Variants in GRM7 observed in about 807,000 individuals in gnomAD.
GRM7 encodes the protein glutamate metabotropic receptor 7.
Under a neutral mutation model 84.5 loss-of-function variants are expected in GRM7, and 35 were observed. The ratio of observed to expected loss-of-function variants is 0.41; its 90% confidence interval spans 0.32 to 0.55. The LOEUF is 0.55. Among genes scored for constraint, GRM7 ranks in the 20% least tolerant of loss-of-function variants. The pLI is 0.19. For synonymous variants in GRM7, 487 were observed against 455.1 expected (o/e 1.07, Z -0.89); for missense variants, 1,003 against 1,194.6 (o/e 0.84, Z 2.36).
chr3:7,161,307 T>G (rs921294333), intron 2 of GRM7, among the ~76,000 whole-genome samples: 1 of 151,996 alleles, frequency 6.6e-6, no homozygotes, highest in Non-Finnish European at 1.5e-5. Context: ...GCCATTTCCT[T>G]AGATATTGGG....
intron 2 of GRM7, among the ~76,000 whole-genome samples, chr3:7,233,324 T>C (rs1466270606): frequency 1.3e-5 from 2 of 152,162 alleles, no homozygotes; most frequent in Non-Finnish European, 2.9e-5. Context: ...TTTCTCTAAA[T>C]GGGCATTTTG....
chr3:6,995,546 A>G (rs1431592369), intron 1 of GRM7, among the ~76,000 whole-genome samples: 1 of 152,206 alleles, frequency 6.6e-6, no homozygotes, highest in Non-Finnish European at 1.5e-5. Context: ...AATGGATGCA[A>G]TGGCAATTTT....
intron 2 of GRM7, among the ~76,000 whole-genome samples, chr3:7,214,443 G>A (rs1696535748): frequency 6.6e-6 from 1 of 152,140 alleles, no homozygotes; most frequent in Non-Finnish European, 1.5e-5. Context: ...TCATCCTATT[G>A]GTTTTCTTCA....
intron 4 of GRM7, among the ~76,000 whole-genome samples, chr3:7,362,178 A>T (rs1351469581): frequency 6.6e-6 from 1 of 152,076 alleles, no homozygotes; most frequent in Non-Finnish European, 1.5e-5. Context: ...TTTTTTAGTC[A>T]TTTGTAACAG....
At chr3:7,617,372 T>C (rs1697141057) in intron 8 of GRM7, among the ~76,000 whole-genome samples, 1 of 152,130 alleles carries the variant, frequency 6.6e-6, no homozygotes, top group Non-Finnish European at 1.5e-5. Context: ...AGATATCCAT[T>C]ATGGAAGAGA....
chr3:7,708,516 G>A lies in GRM7; in HGVS notation c.2698+28221G>A, dbSNP rs930035413. Reference sequence around the variant, plus strand: ...CTTGAAGTGATCGGGGGTTGCCAGAGAGGAAGGTCATGGTCTGTTGGACAA... The same window carrying A: ...CTTGAAGTGATCGGGGGTTGCCAGAAAGGAAGGTCATGGTCTGTTGGACAA... On this transcript the variant is annotated intron_variant, in intron 9 of 9. Transcript: ENST00000357716. Among the ~76,000 whole-genome samples the A allele has an allele frequency of 3.3e-5, 5 of 152,170 alleles. No individual in the cohort carries two copies. The East Asian group carries it at 9.6e-4, about 29-fold the overall frequency.
At chr3:6,867,477 G>A (rs1254284982) in intron 1 of GRM7, among the ~76,000 whole-genome samples, 1 of 152,014 alleles carries the variant, frequency 6.6e-6, no homozygotes, top group Non-Finnish European at 1.5e-5. Flanking sequence ...TGAAAGCTTT[G>A]GAACCACACT....
At chr3:7,302,550 G>A (rs1214676198) in intron 3 of GRM7, among the ~76,000 whole-genome samples, 1 of 152,018 alleles carries the variant, frequency 6.6e-6, no homozygotes, top group Non-Finnish European at 1.5e-5. Context: ...AATAAAAATT[G>A]TATGTCGTTT....
chr3:6,944,100 T>A (rs1697978718), intron 1 of GRM7, among the ~76,000 whole-genome samples: 1 of 152,084 alleles, frequency 6.6e-6, no homozygotes, highest in African/African-American at 2.4e-5. Context: ...TGATTTTCTA[T>A]ATATGTGACC....
chr3:7,191,588 G>A (rs923502527), intron 2 of GRM7, among the ~76,000 whole-genome samples: 3 of 151,494 alleles, frequency 2.0e-5, no homozygotes, highest in African/African-American at 7.3e-5. Context: ...ATTGGTAAAA[G>A]CTACAACTTG....
intron 5 of GRM7, among the ~76,000 whole-genome samples, chr3:7,431,354 A>G (rs2124849182): frequency 6.6e-6 from 1 of 152,310 alleles, no homozygotes; most frequent in East Asian, 1.9e-4. Flanking sequence ...AAAGTCTTGA[A>G]TAGACAAAAC....
rs561364942 is a variant in GRM7 at position 7,342,305 on chromosome 3, C to T, written c.1033+35653C>T. Among the ~76,000 whole-genome samples the T allele has an allele frequency of 3.3e-5, 5 of 152,238 alleles. No homozygotes were observed. In the South Asian group the frequency reaches 1.0e-3, roughly 32 times the overall value. On this transcript the variant is annotated intron_variant, in intron 4 of 9. Coordinates refer to ENST00000357716, the MANE Select transcript of GRM7 (RefSeq NM_000844.4). The stretch of plus-strand genomic sequence containing the variant: ...CCTCATCTCAATCCAGACATCAAAA[C>T]TTGTCAAGAAACATCAAAAGTTCTA...
intron 1 of GRM7, among the ~76,000 whole-genome samples, chr3:6,989,301 C>T: frequency 6.6e-6 from 1 of 152,110 alleles, no homozygotes; most frequent in East Asian, 1.9e-4. Flanking sequence ...TAGGAAAACA[C>T]AGATCAACAA....
rs1700201824 is a variant in GRM7, at chr3:7,306,587, T to G, written c.968T>G (p.Leu323Arg). 6.2e-7 allele frequency: 1 copy of G among 1,613,794 alleles called. No individual in the cohort carries two copies. Reference protein sequence around the residue: ...SDSWGSKINPLHQHEDIAEGA... With the variant: ...SDSWGSKINPRHQHEDIAEGA... ...AGCTGGGGATCCAAAATAAACCCAC[T>G]GCACCAGCATGAAGATATCGCAGAA... Residue 323 changes from leucine (L) to arginine (R), a missense_variant, in exon 4 of 10, where the codon CTG becomes CGG. By Grantham distance (102) the Leu-to-Arg change is moderately radical (BLOSUM62 -2). Coordinates refer to ENST00000357716, the MANE Select transcript of GRM7 (RefSeq NM_000844.4).
chr3:7,155,372 C>G (rs1297089809), intron 2 of GRM7, among the ~76,000 whole-genome samples: 2 of 152,000 alleles, frequency 1.3e-5, no homozygotes, highest in South Asian at 2.1e-4. Context: ...AAAGGCTCCC[C>G]ACTGTTCCAC....
intron 1 of GRM7, among the ~76,000 whole-genome samples, chr3:7,116,037 A>C (rs1053504852): frequency 6.6e-6 from 1 of 152,128 alleles, no homozygotes; most frequent in African/African-American, 2.4e-5. Flanking sequence ...TAAAACTGCA[A>C]ACTTTACAGG....
intron 1 of GRM7, among the ~76,000 whole-genome samples, chr3:6,932,751 C>CTTTTTTTTTTTT (rs35962540): frequency 1.1e-5 from 1 of 93,786 alleles, no homozygotes; most frequent in Non-Finnish European, 2.0e-5. Context: ...TTCTTTCTCT[C>CTTTTTTTTTTTT]TTTTTTTTTT....
chr3:7,279,030 C>T (rs80031954), intron 2 of GRM7, among the ~76,000 whole-genome samples: 1 of 152,060 alleles, frequency 6.6e-6, no homozygotes. Flanking sequence ...ACTCTAATAT[C>T]CACTTTGGTG....
At chr3:7,664,627 A>C (rs1699607042) in intron 8 of GRM7, among the ~76,000 whole-genome samples, 1 of 152,200 alleles carries the variant, frequency 6.6e-6, no homozygotes, top group African/African-American at 2.4e-5. Flanking sequence ...CGTCATCTAC[A>C]TTAGGTATTT....
Sources: gnomAD v4.1 joint callset for allele counts (sites outside exome capture counted in the v4.1 genomes callset) on GRCh38, gnomAD v4.1.1 for gene constraint, MANE v1.5 for transcripts, NCBI Gene and HGNC (gene_info 2026-07-23, HGNC 2026-07-21) for gene names.